DOCK4: variants seen among roughly 807,000 people sequenced by gnomAD.
DOCK4 encodes the protein dedicator of cytokinesis 4.
A neutral mutation model predicts 268.1 loss-of-function variants in DOCK4; 97 were observed. The observed-to-expected ratio is 0.36, with a 90% CI of 0.31 to 0.43. DOCK4 has a LOEUF of 0.43. DOCK4 is among the 20% of genes least tolerant of loss of function. The probability of loss-of-function intolerance (pLI) is 1.00; values close to 1 mark genes in which losing one functional copy is unlikely to be tolerated. For synonymous variants in DOCK4, 954 were observed against 887.2 expected (o/e 1.08, Z -1.34); for missense variants, 2,145 against 2,455.7 (o/e 0.87, Z 2.67).
At chr7:112,053,932 G>T (rs1805589534) in intron 1 of DOCK4, among the ~76,000 whole-genome samples, 1 of 152,154 alleles carries the variant, frequency 6.6e-6, no homozygotes, top group Admixed American at 6.6e-5. Context: ...TGTCCAGGAG[G>T]TCTCCCCTGA....
In DOCK4 at chr7:111,728,194, C is replaced by G; in HGVS notation, c.*80G>C. On this transcript the variant is annotated 3_prime_UTR_variant, in exon 53 of 53. Transcript: ENST00000428084. ...AGGAGCTGAGTAAGTTATTAAAGTG[C>G]CTACACTAAATGTCTTCTCATCATA... 9.1e-7 allele frequency: 1 copy of G among 1,100,716 alleles called. No individual in the cohort carries two copies. The highest frequency in any genetic ancestry group is 1.2e-6 in the Non-Finnish European group (1 of 830,786). 68.2% of individuals were successfully genotyped at this position (1,100,716 alleles called of 1,614,324 possible). A position where few individuals can be genotyped will look rare whatever the true frequency, so the allele number is the denominator to read the frequency against.
intron 25 of DOCK4, among the ~76,000 whole-genome samples, chr7:111,843,889 CA>C (rs1803886782): frequency 6.6e-6 from 1 of 152,094 alleles, no homozygotes; most frequent in African/African-American, 2.4e-5. Context: ...CTTAATTTTA[CA>C]AGGAAACCAA....
intron 30 of DOCK4, among the ~76,000 whole-genome samples, chr7:111,796,437 T>G (rs1455164120): frequency 1.3e-5 from 2 of 152,234 alleles, no homozygotes; most frequent in African/African-American, 2.4e-5. Flanking sequence ...CTTTTTAAGT[T>G]TTTCTACTGC....
At chr7:112,134,380 A>C (rs1164240714) in intron 1 of DOCK4, among the ~76,000 whole-genome samples, 6 of 152,218 alleles carry the variant, frequency 3.9e-5, no homozygotes, top group Non-Finnish European at 2.9e-5. Flanking sequence ...AAACTGTGGA[A>C]GGTATAAAAA....
intron 12 of DOCK4, among the ~76,000 whole-genome samples, chr7:111,930,492 T>C (rs927799470): frequency 6.6e-6 from 1 of 152,304 alleles, no homozygotes; most frequent in Non-Finnish European, 1.5e-5. Context: ...TTTTTTCTCT[T>C]TTTTTAGTGC....
At chr7:111,909,521 A>G (rs1015965174) in intron 13 of DOCK4, among the ~76,000 whole-genome samples, 1 of 152,260 alleles carries the variant, frequency 6.6e-6, no homozygotes, top group Non-Finnish European at 1.5e-5. Flanking sequence ...CTTGGAATCA[A>G]TCCAAATGCC....
chr7:111,989,297 C>G, intron 5 of DOCK4, 134 bp from the exon 6 acceptor site: 4 of 1,193,808 alleles, frequency 3.4e-6, no homozygotes, highest in Non-Finnish European at 4.7e-6. Context: ...TGTCCGTGAA[C>G]AGACAAACTG....
At chr7:111,972,370 T>A (rs1169484794) in intron 8 of DOCK4, among the ~76,000 whole-genome samples, 4 of 152,108 alleles carry the variant, frequency 2.6e-5, no homozygotes, top group African/African-American at 9.7e-5. Flanking sequence ...CTCTAGCCTC[T>A]CGGTGTCTTG....
At chr7:111,893,186 G>C (rs531649771) in intron 16 of DOCK4, among the ~76,000 whole-genome samples, 2 of 152,342 alleles carry the variant, frequency 1.3e-5, no homozygotes, top group African/African-American at 4.8e-5. Context: ...ACAGGACTCT[G>C]TCTAGGAATT....
chr7:112,041,598 C>A (rs1002304503), intron 1 of DOCK4, among the ~76,000 whole-genome samples: 1 of 152,180 alleles, frequency 6.6e-6, no homozygotes, highest in African/African-American at 2.4e-5. Flanking sequence ...AAACCCAATA[C>A]CATTTCTACT....
rs1030964614 is a variant in DOCK4 at position 111,999,529 on chromosome 7, G to A, written c.162+965C>T. 3.3e-5 allele frequency among the ~76,000 whole-genome samples: 5 copies of A among 152,022 alleles called. No individual in the cohort carries two copies. In the South Asian group the frequency reaches 1.0e-3, roughly 32 times the overall value. On this transcript the variant is annotated intron_variant, in intron 3 of 52. Transcript: ENST00000428084. ...GGTCTAAATGAATTCATTAAATACTGAAGCTATATTTGCATGTGCCTCATA... is the reference window on the plus strand; with the variant it reads ...GGTCTAAATGAATTCATTAAATACTAAAGCTATATTTGCATGTGCCTCATA...
At chr7:111,762,932 A>AT (rs998293394) in intron 39 of DOCK4, among the ~76,000 whole-genome samples, 31 of 150,768 alleles carry the variant, frequency 2.1e-4, no homozygotes, top group African/African-American at 6.6e-4. Context: ...GAACCTGGCA[A>AT]TTTTTTTTAA....
chr7:112,120,987 C>T (rs564087519), intron 1 of DOCK4, among the ~76,000 whole-genome samples: 26 of 152,146 alleles, frequency 1.7e-4, no homozygotes, highest in Non-Finnish European at 3.2e-4. Flanking sequence ...ATTCAGCCTA[C>T]GAGACTGGCA....
At chr7:111,736,279 G>T (rs375810100) in intron 50 of DOCK4, among the ~76,000 whole-genome samples, 119 of 152,232 alleles carry the variant, frequency 7.8e-4, no homozygotes, top group African/African-American at 2.8e-3. Context: ...CCTGAGAGAG[G>T]TGAATGGGTG....
At chr7:111,984,214 T>C (rs1356099180) in intron 7 of DOCK4, 92 bp downstream of exon 7, 7 of 1,147,608 alleles carry the variant, frequency 6.1e-6, no homozygotes, top group Non-Finnish European at 8.7e-6. Flanking sequence ...TCCTGGAACA[T>C]CCTGTTCTTA....
At chr7:111,733,352 A>AG (rs1273060825) in intron 51 of DOCK4, among the ~76,000 whole-genome samples, 3 of 152,198 alleles carry the variant, frequency 2.0e-5, no homozygotes, top group Admixed American at 2.0e-4. Flanking sequence ...CTGGGTCCTA[A>AG]GGGGTCAGTG....
At chr7:112,149,029 C>T (rs1402514550) in intron 1 of DOCK4, among the ~76,000 whole-genome samples, 1 of 152,180 alleles carries the variant, frequency 6.6e-6, no homozygotes, top group Non-Finnish European at 1.5e-5. Context: ...CTTCATCTTG[C>T]TCTGTTCCTA....
intron 46 of DOCK4, 103 bp downstream of exon 46, chr7:111,741,437 G>C (rs912443254): frequency 1.3e-6 from 2 of 1,507,112 alleles, no homozygotes; most frequent in African/African-American, 2.8e-5. Flanking sequence ...ATTTCATTAA[G>C]AAATAGCGTA....
At chr7:111,971,901 T>G (rs1041988525) in intron 8 of DOCK4, 1 of 183,814 alleles carries the variant, frequency 5.4e-6, no homozygotes, top group African/African-American at 2.4e-5. Flanking sequence ...CCAACATTCT[T>G]AGGCCTTTTC....
Sources: allele counts gnomAD v4.1 joint callset (sites outside exome capture counted in the v4.1 genomes callset), GRCh38; gene constraint gnomAD v4.1.1; transcripts MANE v1.5; gene names NCBI Gene and HGNC (gene_info 2026-07-23, HGNC 2026-07-21).